KALRN: variants seen among roughly 807,000 people sequenced by gnomAD.
KALRN encodes the protein kalirin RhoGEF kinase.
A neutral mutation model predicts 353.7 loss-of-function variants in KALRN; 70 were observed. The observed-to-expected ratio is 0.20, with a 90% CI of 0.16 to 0.24. The LOEUF (loss-of-function observed/expected upper bound fraction) is 0.24. KALRN is among the 10% of genes least tolerant of loss of function. The pLI is 1.00. For missense variants in KALRN, 2,791 were observed against 3,756.7 expected, an observed-to-expected ratio of 0.74 and a Z score of 6.72; for synonymous variants, 1,391 against 1,434.8, an observed-to-expected ratio of 0.97 and a Z score of 0.69.
At chr3:124,223,870 C>T (rs1033560939) in intron 1 of KALRN, among the ~76,000 whole-genome samples, 1 of 152,186 alleles carries the variant, frequency 6.6e-6, no homozygotes, top group Non-Finnish European at 1.5e-5. Flanking sequence ...GCAATGTAAG[C>T]ATAACACGTT....
At position 124,558,419 on chromosome 3, in the gene KALRN, A is replaced by G. The variant is rs1457260174; in HGVS notation, c.4936-4424A>G. On this transcript the variant is annotated intron_variant, in intron 33 of 59. Coordinates refer to ENST00000682506, the MANE Select transcript of KALRN (RefSeq NM_001388419.1). ...CAGCCTCCTGAGTAGCTGGGAATAC[A>G]GGTGTGCACCACCACACCTGGCTAA... Among the ~76,000 whole-genome samples, 5 of 152,168 alleles carry G rather than the reference A, an allele frequency of 3.3e-5. No homozygotes were observed. The East Asian group carries it at 9.6e-4, about 29-fold the overall frequency.
At chr3:124,326,462 G>A (rs930666349) in intron 7 of KALRN, among the ~76,000 whole-genome samples, 4 of 152,192 alleles carry the variant, frequency 2.6e-5, no homozygotes, top group Non-Finnish European at 5.9e-5. Flanking sequence ...GTGCGTGTGT[G>A]CATGTGTGGA....
At chr3:124,155,585 A>G (rs1448474982) in intron 1 of KALRN, among the ~76,000 whole-genome samples, 1 of 152,166 alleles carries the variant, frequency 6.6e-6, no homozygotes, top group African/African-American at 2.4e-5. Flanking sequence ...GTATGAACAC[A>G]CAGACAGTTC....
intron 51 of KALRN, among the ~76,000 whole-genome samples, chr3:124,680,733 G>T (rs1176710316): frequency 6.6e-6 from 1 of 152,202 alleles, no homozygotes. Flanking sequence ...GAGGCAATCG[G>T]CTGACAATGG....
chr3:124,348,706 T>C (rs1291374395), intron 10 of KALRN, among the ~76,000 whole-genome samples: 1 of 152,142 alleles, frequency 6.6e-6, no homozygotes, highest in East Asian at 1.9e-4. Context: ...CCTAACATAA[T>C]TGAAAGCAGG....
chr3:124,034,181 C>T (rs912054753), intron 1 of KALRN, among the ~76,000 whole-genome samples: 30 of 152,232 alleles, frequency 2.0e-4, no homozygotes, highest in Non-Finnish European at 1.9e-4. Flanking sequence ...CCTTGGCTCC[C>T]CCTCCCCTGT....
intron 21 of KALRN, among the ~76,000 whole-genome samples, chr3:124,449,881 G>T (rs9810152): frequency 0.072 from 10,928 of 152,268 alleles, 506 homozygotes; most frequent in East Asian, 0.13. Context: ...CAATCCTTTT[G>T]TCCTATTATT....
intron 25 of KALRN, among the ~76,000 whole-genome samples, chr3:124,473,716 T>C (rs1039076600): frequency 6.6e-6 from 1 of 152,202 alleles, no homozygotes; most frequent in African/African-American, 2.4e-5. Flanking sequence ...TACTCATGTA[T>C]ATACATCATT....
chr3:124,319,638 G>C (rs906366628), intron 6 of KALRN, among the ~76,000 whole-genome samples: 4 of 150,092 alleles, frequency 2.7e-5, no homozygotes, highest in Non-Finnish European at 5.9e-5. Context: ...ATACATAAGA[G>C]AATAGAGATG....
chr3:124,654,147 C>A (rs2083723570), intron 38 of KALRN, among the ~76,000 whole-genome samples: 1 of 152,252 alleles, frequency 6.6e-6, no homozygotes, highest in Non-Finnish European at 1.5e-5. Flanking sequence ...TTTCTTTTGC[C>A]ACTTTCTACC....
chr3:124,355,256 G>A (rs945508369), intron 10 of KALRN, among the ~76,000 whole-genome samples: 2 of 152,160 alleles, frequency 1.3e-5, no homozygotes, highest in Non-Finnish European at 2.9e-5. Flanking sequence ...AGGCTTTTGA[G>A]TGATAATATA....
chr3:124,453,829 A>G (rs1193578481), intron 21 of KALRN, among the ~76,000 whole-genome samples: 1 of 152,068 alleles, frequency 6.6e-6, no homozygotes, highest in Non-Finnish European at 1.5e-5. Flanking sequence ...GACCTCCCCT[A>G]CCCATGCCTG....
At chr3:124,415,025 C>T (rs1448584067) in intron 14 of KALRN, among the ~76,000 whole-genome samples, 3 of 152,244 alleles carry the variant, frequency 2.0e-5, no homozygotes, top group Non-Finnish European at 2.9e-5. Context: ...CTAGTAAATT[C>T]TGTTCACTTT....
At chr3:124,558,754 C>G (rs1253643499) in intron 33 of KALRN, among the ~76,000 whole-genome samples, 1 of 152,216 alleles carries the variant, frequency 6.6e-6, no homozygotes, top group East Asian at 1.9e-4. Context: ...CTCCTGGTCA[C>G]ACAGTTGGTG....
chr3:124,072,690 C>T (rs922066404), intron 1 of KALRN, among the ~76,000 whole-genome samples: 8 of 152,152 alleles, frequency 5.3e-5, no homozygotes, highest in African/African-American at 9.7e-5. Flanking sequence ...TTTGCAAATA[C>T]GTGAAGCAAA....
intron 56 of KALRN, among the ~76,000 whole-genome samples, chr3:124,701,798 A>G (rs928408636): frequency 3.3e-5 from 5 of 152,080 alleles, no homozygotes; most frequent in African/African-American, 9.7e-5. Flanking sequence ...TTCTGATTGT[A>G]CTGCGTTTTC....
Position 124,657,734 on chromosome 3 carries a change from T to G in KALRN, c.5967T>G (p.Asp1989Glu), listed in dbSNP as rs754027509. The G allele has an allele frequency of 6.2e-7, 1 of 1,611,930 alleles. No homozygotes were observed. The highest frequency in any genetic ancestry group is 1.7e-5 in the Admixed American group (1 of 59,970). Residue 1989 changes from aspartate to glutamate, a missense_variant and splice_region_variant, in exon 41 of 60, where the codon GAT becomes GAG. Asp to Glu is a conservative substitution (Grantham distance 45). Coordinates refer to ENST00000682506, the MANE Select transcript of KALRN (RefSeq NM_001388419.1). ...TCTCTTATCCCCTTTCTCCTTTTAG[T>G]TTTTTCCTGGCGGAACTGGAAAAGT... is the stretch of plus-strand genomic sequence containing the variant. ...NIHQIYDWHK[D>E]FFLAELEKCI...
chr3:124,383,726 T>G (rs2087764705), intron 10 of KALRN, among the ~76,000 whole-genome samples: 1 of 152,082 alleles, frequency 6.6e-6, no homozygotes, highest in South Asian at 2.1e-4. Context: ...GGATTAGGAG[T>G]TCAACATGTG....
intron 38 of KALRN, among the ~76,000 whole-genome samples, chr3:124,654,063 G>C (rs1427896000): frequency 6.6e-6 from 1 of 152,190 alleles, no homozygotes; most frequent in Admixed American, 6.5e-5. Flanking sequence ...AATATCGCCT[G>C]GAGACAGAGA....
Sources: allele counts gnomAD v4.1 joint callset (sites outside exome capture counted in the v4.1 genomes callset), GRCh38; gene constraint gnomAD v4.1.1; transcripts MANE v1.5; gene names NCBI Gene and HGNC (gene_info 2026-07-23, HGNC 2026-07-21).